Variants in BANK1 observed in about 807,000 individuals in gnomAD.
BANK1 encodes B cell scaffold protein with ankyrin repeats 1.
Under a neutral mutation model 94.5 loss-of-function variants are expected in BANK1, and 95 were observed. The ratio of observed to expected loss-of-function variants is 1.00; its 90% CI spans 0.85 to 1.19. The LOEUF (loss-of-function observed/expected upper bound fraction) is 1.19, where lower values mean the gene tolerates loss of function less well. Among genes scored for constraint, BANK1 ranks in the 50% most tolerant of loss-of-function variants. The probability of loss-of-function intolerance (pLI) is 0.00; values close to 1 mark genes in which losing one functional copy is unlikely to be tolerated. For missense variants in BANK1, 987 were observed against 932.2 expected (o/e 1.06, Z -0.77); for synonymous variants, 334 against 308.4 (o/e 1.08, Z -0.87).
At chr4:101,912,418 G>A (rs1303281433) in intron 6 of BANK1, among the ~76,000 whole-genome samples, 2 of 151,828 alleles carry the variant, frequency 1.3e-5, no homozygotes, top group African/African-American at 4.8e-5. Flanking sequence ...GTAAGTTATG[G>A]TTTGCCAAAG....
At position 101,870,533 on chromosome 4, in the gene BANK1, T is replaced by C; in HGVS notation, c.792T>C (p.Asn264=). ...TTCCTGCTGGTTCAGTCCATGTCAA[T>C]GTCTACTGTGATGGAATCGTTAAAG... The part of the protein sequence containing the change: ...LEFPAGSVHV[N]VYCDGIVKAT... Residue 264 remains asparagine, a synonymous_variant, in exon 5 of 17, where the codon AAT becomes AAC. Coordinates refer to ENST00000322953, the MANE Select transcript of BANK1 (RefSeq NM_017935.5). 3 of 1,612,638 alleles carry C rather than the reference T, an allele frequency of 1.9e-6. No individual in the cohort carries two copies. The highest frequency in any genetic ancestry group is 2.5e-6 in the Non-Finnish European group (3 of 1,179,126).
rs540792898 is a variant in BANK1 at position 101,801,827 on chromosome 4, A to G, written c.70+10877A>G. ...CACAAATATTTTTCTTTTATCACTT[A>G]TTTGTTAAATAATTTTGATTGTAAT... is the stretch of plus-strand genomic sequence containing the variant. On this transcript the variant is annotated intron_variant, in intron 1 of 16. Transcript: ENST00000322953. Among the ~76,000 whole-genome samples the G allele has an allele frequency of 3.3e-5, 5 of 152,304 alleles. No individual in the cohort carries two copies. The South Asian group carries it at 1.0e-3, about 32-fold the overall frequency.
At chr4:101,957,550 G>A (rs955561344) in intron 7 of BANK1, among the ~76,000 whole-genome samples, 1 of 152,164 alleles carries the variant, frequency 6.6e-6, no homozygotes, top group Non-Finnish European at 1.5e-5. Flanking sequence ...GAAAATACTG[G>A]TTGGACTCAT....
chr4:102,066,500 G>T (rs1024417513), intron 13 of BANK1, among the ~76,000 whole-genome samples: 6 of 151,990 alleles, frequency 3.9e-5, no homozygotes, highest in African/African-American at 7.3e-5. Context: ...CTCGTGATCC[G>T]CCCGCCTCGG....
rs35484557 is a variant in BANK1, at chr4:102,072,386, C to T, written c.2284C>T (p.His762Tyr). The change falls in exon 15 of 17, where the codon CAC becomes TAC. Residue 762 changes from histidine to tyrosine, a missense_variant. By Grantham distance (83) the His-to-Tyr change is moderately conservative (BLOSUM62 2). Transcript: ENST00000322953. ...AHNENKFYNV[H>Y]FSNKLPARPQ... ...CAATGAAAATAAGTTTTATAATGTA[C>T]ACTTCAGCAATAAGGTAGGTTGTAT... 3.8e-4 allele frequency: 608 copies of T among 1,595,610 alleles called. No individual in the cohort carries two copies. Among genetic ancestry groups the T allele is most frequent in the Middle Eastern group, 1.5e-3 (9 of 6,022 alleles).
chr4:101,813,434 C>G (rs1245860326), intron 1 of BANK1, among the ~76,000 whole-genome samples: 2 of 152,078 alleles, frequency 1.3e-5, no homozygotes, highest in Non-Finnish European at 2.9e-5. Flanking sequence ...TACTATGATA[C>G]TGGAAATACT....
At chr4:101,834,997 A>ACCAAATTTCCTGTCTTCTTAATTC (rs1425383293) in intron 2 of BANK1, among the ~76,000 whole-genome samples, 2 of 152,140 alleles carry the variant, frequency 1.3e-5, no homozygotes, top group African/African-American at 4.8e-5. Context: ...AATTAAGAAA[A>ACCAAATTTCCTGTCTTCTTAATTC]CCAAATTTCC....
chr4:101,965,200 T>C (rs1486837874), intron 7 of BANK1, among the ~76,000 whole-genome samples: 1 of 151,922 alleles, frequency 6.6e-6, no homozygotes, highest in African/African-American at 2.4e-5. Context: ...TTGAAATCCC[T>C]CTACCTTTTG....
At chr4:101,980,639 T>G (rs964852443) in intron 7 of BANK1, among the ~76,000 whole-genome samples, 1 of 151,986 alleles carries the variant, frequency 6.6e-6, no homozygotes, top group Non-Finnish European at 1.5e-5. Flanking sequence ...AAAATGTTAC[T>G]GGGATTGCTT....
Position 101,918,136 on chromosome 4 carries a change from A to G in BANK1, c.1153A>G (p.Ile385Val). 6.2e-7 allele frequency: 1 copy of G among 1,602,708 alleles called. No homozygotes were observed. Among genetic ancestry groups the G allele is most frequent in the Non-Finnish European group, 8.5e-7 (1 of 1,172,728 alleles). ...KNMEGSDPAH[I>V]AERHGHKELK... is the part of the protein sequence containing the mutation. Reference sequence around the variant, plus strand: ...TATGGAGGGTTCAGACCCCGCACATATTGCTGAAAGGCATGGTCACAAAGA... The same window carrying G: ...TATGGAGGGTTCAGACCCCGCACATGTTGCTGAAAGGCATGGTCACAAAGA... Residue 385 changes from isoleucine to valine, a missense_variant, in exon 7 of 17, where the codon ATT (isoleucine) becomes GTT (valine). By Grantham distance (29) the Ile-to-Val change is conservative. Transcript: ENST00000322953.
intron 7 of BANK1, among the ~76,000 whole-genome samples, chr4:101,968,790 A>G (rs964196005): frequency 6.6e-6 from 1 of 152,142 alleles, no homozygotes; most frequent in Admixed American, 6.6e-5. Flanking sequence ...CAGGAGGTGG[A>G]GAGAGGGAAA....
At chr4:102,030,973 T>C (rs1727287300) in intron 10 of BANK1, among the ~76,000 whole-genome samples, 1 of 152,174 alleles carries the variant, frequency 6.6e-6, no homozygotes, top group African/African-American at 2.4e-5. Context: ...GATTGCTGGG[T>C]CAAATGGTAT....
At chr4:101,986,482 AGCTTCAGTT>A (rs1191808268) in intron 7 of BANK1, among the ~76,000 whole-genome samples, 1 of 152,020 alleles carries the variant, frequency 6.6e-6, no homozygotes, top group Non-Finnish European at 1.5e-5. Context: ...GATCTTGCTG[AGCTTCAGTT>A]TCCTTACTTT....
intron 7 of BANK1, among the ~76,000 whole-genome samples, chr4:101,968,918 A>G (rs75912895): frequency 2.7e-3 from 418 of 152,246 alleles, no homozygotes; most frequent in South Asian, 4.3e-3. Context: ...GGGAACACCC[A>G]AAGGTGATGG....
At chr4:101,829,496 A>C (rs1257653140) in intron 1 of BANK1, among the ~76,000 whole-genome samples, 1 of 151,760 alleles carries the variant, frequency 6.6e-6, no homozygotes, top group East Asian at 1.9e-4. Context: ...TATCTATAAC[A>C]TTATCTATGT....
intron 7 of BANK1, among the ~76,000 whole-genome samples, chr4:101,986,899 G>GTATATATATATATATATATATA (rs1166018412): frequency 8.5e-5 from 7 of 82,660 alleles, no homozygotes; most frequent in African/African-American, 4.5e-4. Context: ...GTGTGTGTGT[G>GTATATATATATATATATATATA]TATATATATA....
intron 5 of BANK1, among the ~76,000 whole-genome samples, chr4:101,878,199 T>C (rs1728559587): frequency 6.6e-6 from 1 of 151,904 alleles, no homozygotes; most frequent in Non-Finnish European, 1.5e-5. Flanking sequence ...CCTAGTGATC[T>C]GTTGACTACA....
intron 6 of BANK1, among the ~76,000 whole-genome samples, chr4:101,913,138 C>T (rs915115430): frequency 6.6e-6 from 1 of 152,158 alleles, no homozygotes; most frequent in Admixed American, 6.6e-5. Context: ...TTTCCTGGAT[C>T]TTTTCCTGGT....
intron 5 of BANK1, among the ~76,000 whole-genome samples, chr4:101,874,632 T>A (rs1728418371): frequency 6.6e-6 from 1 of 152,232 alleles, no homozygotes; most frequent in Non-Finnish European, 1.5e-5. Context: ...CTTCTTTGAA[T>A]GTCACACAGA....
Sources: gnomAD v4.1 joint callset for allele counts (sites outside exome capture counted in the v4.1 genomes callset) on GRCh38, gnomAD v4.1.1 for gene constraint, MANE v1.5 for transcripts, NCBI Gene and HGNC (gene_info 2026-07-23, HGNC 2026-07-21) for gene names.